KAZN: variants seen among roughly 807,000 people sequenced by gnomAD.
The protein encoded by KAZN is kazrin.
Under a neutral mutation model 87.4 loss-of-function variants are expected in KAZN, and 40 were observed. The ratio of observed to expected loss-of-function variants is 0.46; its 90% confidence interval spans 0.36 to 0.60. KAZN has a LOEUF of 0.60. KAZN is among the 20% of genes least tolerant of loss of function. The pLI is 0.00. For synonymous variants in KAZN, 466 were observed against 458.3 expected, an observed-to-expected ratio of 1.02 and a Z score of -0.22; for missense variants, 898 against 1,073.9, an observed-to-expected ratio of 0.84 and a Z score of 2.29.
At chr1:14,131,348 C>T (rs1264643357) in intron 1 of KAZN, among the ~76,000 whole-genome samples, 1 of 152,186 alleles carries the variant, frequency 6.6e-6, no homozygotes, top group African/African-American at 2.4e-5. Context: ...AACACTGTCA[C>T]TGGTCACCTC....
intron 1 of KAZN, among the ~76,000 whole-genome samples, chr1:14,179,100 T>A (rs646835): frequency 3.3e-5 from 5 of 151,930 alleles, no homozygotes; most frequent in Middle Eastern, 3.2e-3. Flanking sequence ...TTTTTCTTGC[T>A]GGTCATGTAG....
intron 1 of KAZN, among the ~76,000 whole-genome samples, chr1:14,627,395 C>T (rs2148653003): frequency 6.6e-6 from 1 of 152,174 alleles, no homozygotes; most frequent in Admixed American, 6.5e-5. Context: ...AGAGGGGTGG[C>T]TGGGCCAGAG....
chr1:14,325,577 A>G (rs900670069), intron 2 of KAZN, among the ~76,000 whole-genome samples: 3 of 152,202 alleles, frequency 2.0e-5, no homozygotes, highest in African/African-American at 4.8e-5. Context: ...ATTCAAAAAA[A>G]TGGTCAAAAG....
intron 2 of KAZN, among the ~76,000 whole-genome samples, chr1:14,999,907 G>T (rs1022588805): frequency 2.0e-4 from 31 of 152,306 alleles, no homozygotes; most frequent in African/African-American, 7.5e-4. Flanking sequence ...CCCCAGGGCA[G>T]GGGCTGGTGG....
At chr1:14,395,118 AAGGAG>A (rs1191978169) in intron 2 of KAZN, among the ~76,000 whole-genome samples, 1 of 152,116 alleles carries the variant, frequency 6.6e-6, no homozygotes, top group African/African-American at 2.4e-5. Context: ...GAAAAGAAGG[AAGGAG>A]AGGAGAGAGA....
At chr1:14,167,997 G>A (rs1248549889) in intron 1 of KAZN, among the ~76,000 whole-genome samples, 4 of 152,134 alleles carry the variant, frequency 2.6e-5, no homozygotes, top group South Asian at 4.1e-4. Flanking sequence ...CCTTCCAATG[G>A]CAAGCACGTC....
Position 14,983,256 on chromosome 1 carries a change from C to T in KAZN, c.418+22381C>T, listed in dbSNP as rs529531247. Among the ~76,000 whole-genome samples, 10 of 152,296 alleles carry T rather than the reference C, an allele frequency of 6.6e-5. No individual in the cohort carries two copies. In the East Asian group the frequency reaches 1.5e-3, roughly 24 times the overall value. ...GGCTGTACACCCCCTACCTCCACCC[C>T]GGCAGGGATACTCAGCTTAGCACCT... On this transcript the variant is annotated intron_variant, in intron 2 of 14. Coordinates refer to ENST00000376030, the MANE Select transcript of KAZN (RefSeq NM_201628.3).
chr1:13,897,704 C>G (rs1009179571), intron 1 of KAZN, among the ~76,000 whole-genome samples: 1 of 152,136 alleles, frequency 6.6e-6, no homozygotes, highest in African/African-American at 2.4e-5. Context: ...CTTCAGGCAG[C>G]CCAACCCCAA....
At chr1:14,164,982 GTCTT>G (rs1345717834) in intron 1 of KAZN, among the ~76,000 whole-genome samples, 1 of 152,138 alleles carries the variant, frequency 6.6e-6, no homozygotes, top group Non-Finnish European at 1.5e-5. Context: ...CAGGGTGTCG[GTCTT>G]TCTATGAGGC....
chr1:15,068,385 C>A (rs916561993), intron 8 of KAZN, among the ~76,000 whole-genome samples: 1 of 152,148 alleles, frequency 6.6e-6, no homozygotes, highest in Non-Finnish European at 1.5e-5. Flanking sequence ...ATTTGGAGGG[C>A]TACCCTGTGG....
At chr1:14,449,623 T>C (rs1667159994) in intron 2 of KAZN, among the ~76,000 whole-genome samples, 1 of 152,220 alleles carries the variant, frequency 6.6e-6, no homozygotes, top group Non-Finnish European at 1.5e-5. Context: ...TTGGAACACA[T>C]GTTCCCCAAG....
chr1:13,903,231 G>A (rs1639312585), intron 1 of KAZN, among the ~76,000 whole-genome samples: 1 of 152,198 alleles, frequency 6.6e-6, no homozygotes, highest in South Asian at 2.1e-4. Context: ...ACCCACTTGT[G>A]GTTTTATGGT....
At chr1:14,236,438 C>A (rs943345817) in intron 2 of KAZN, among the ~76,000 whole-genome samples, 2 of 152,180 alleles carry the variant, frequency 1.3e-5, no homozygotes, top group African/African-American at 4.8e-5. Flanking sequence ...AAAATCCATT[C>A]TCTTCCTTTC....
chr1:14,864,548 G>A (rs927007061), intron 1 of KAZN, among the ~76,000 whole-genome samples: 1 of 152,154 alleles, frequency 6.6e-6, no homozygotes, highest in African/African-American at 2.4e-5. Context: ...GGCGATAGAT[G>A]GAGACTCAGT....
At chr1:14,813,567 A>C (rs1037138980) in intron 1 of KAZN, among the ~76,000 whole-genome samples, 10 of 152,166 alleles carry the variant, frequency 6.6e-5, no homozygotes, top group Non-Finnish European at 1.0e-4. Flanking sequence ...GCAGAGTCAA[A>C]CTGTCCTCAC....
At chr1:13,961,758 G>A (rs1165371399) in intron 1 of KAZN, among the ~76,000 whole-genome samples, 2 of 152,178 alleles carry the variant, frequency 1.3e-5, no homozygotes, top group African/African-American at 4.8e-5. Context: ...GGGATGGACT[G>A]AAAGTTGGGA....
chr1:14,131,080 G>A (rs2101733881), intron 1 of KAZN, among the ~76,000 whole-genome samples: 1 of 152,296 alleles, frequency 6.6e-6, no homozygotes, highest in South Asian at 2.1e-4. Flanking sequence ...TGAAGCGGAA[G>A]CAAAGCACAT....
chr1:14,926,943 C>G (rs74059664), intron 1 of KAZN, among the ~76,000 whole-genome samples: 7,160 of 152,148 alleles, frequency 0.047, 569 homozygotes, highest in African/African-American at 0.16. Flanking sequence ...GATGGAGGCC[C>G]GAACACCTTG....
intron 1 of KAZN, among the ~76,000 whole-genome samples, chr1:14,872,092 C>T (rs1000710659): frequency 7.9e-5 from 12 of 152,188 alleles, no homozygotes; most frequent in African/African-American, 1.9e-4. Context: ...AGGGTGCAAG[C>T]GTGTGGGCAC....
Sources: allele counts gnomAD v4.1 joint callset (sites outside exome capture counted in the v4.1 genomes callset), GRCh38; gene constraint gnomAD v4.1.1; transcripts MANE v1.5; gene names NCBI Gene and HGNC (gene_info 2026-07-23, HGNC 2026-07-21).